The following KLF7 variants were observed in gnomAD, a reference collection of about 807,000 sequenced individuals.
KLF7 encodes the protein Krueppel-like factor 7.
A neutral mutation model predicts 27.3 loss-of-function variants in KLF7; 2 were observed. The ratio of observed to expected loss-of-function variants is 0.07; its 90% CI spans 0.03 to 0.23. The LOEUF (loss-of-function observed/expected upper bound fraction) is 0.23, where lower values mean the gene tolerates loss of function less well. Among genes scored for constraint, KLF7 ranks in the 10% least tolerant of loss-of-function variants. The pLI is 1.00. For synonymous variants in KLF7, 165 were observed against 162.4 expected (o/e 1.02, Z -0.12); for missense variants, 221 against 394.1 (o/e 0.56, Z 3.72).
upstream of KLF7, chr2:207,166,924 C>T: frequency 1.0e-6 from 1 of 982,076 alleles, no homozygotes. Context: ...GCACAGTCCC[C>T]GCCCCGCCCC....
chr2:207,143,246 A>G (rs2077994411), intron 1 of KLF7, among the ~76,000 whole-genome samples: 1 of 152,220 alleles, frequency 6.6e-6, no homozygotes, highest in Non-Finnish European at 1.5e-5. Context: ...TAGCTGAAGC[A>G]AAAAGATCAA....
At chr2:207,116,161 T>A (rs1004377617) in intron 2 of KLF7, among the ~76,000 whole-genome samples, 6 of 152,346 alleles carry the variant, frequency 3.9e-5, no homozygotes, top group Admixed American at 3.9e-4. Flanking sequence ...GAGCTTAGTG[T>A]CATCTGACAC....
intron 1 of KLF7, chr2:207,134,124 C>T (rs987042800): frequency 3.9e-6 from 6 of 1,528,682 alleles, no homozygotes; most frequent in Non-Finnish European, 4.4e-6. Flanking sequence ...TCTCCCAAAT[C>T]ACTTGCACAG....
intron 2 of KLF7, among the ~76,000 whole-genome samples, chr2:207,119,959 G>A (rs758592701): frequency 6.8e-4 from 103 of 152,296 alleles, no homozygotes; most frequent in Non-Finnish European, 1.3e-3. Context: ...CTCCCAAAGT[G>A]CTAGGATTAG....
At chr2:207,100,792 C>T (rs2076748987) in intron 2 of KLF7, among the ~76,000 whole-genome samples, 1 of 152,134 alleles carries the variant, frequency 6.6e-6, no homozygotes. Flanking sequence ...GATCCCTTGC[C>T]CTGCTTCTCC....
intron 1 of KLF7, among the ~76,000 whole-genome samples, chr2:207,147,755 G>A (rs939821373): frequency 2.6e-5 from 4 of 152,124 alleles, no homozygotes; most frequent in South Asian, 2.1e-4. Context: ...ATGAGATGGC[G>A]CCATTGGGAG....
chr2:207,158,493 A>T (rs2078452140), intron 1 of KLF7, among the ~76,000 whole-genome samples: 1 of 152,206 alleles, frequency 6.6e-6, no homozygotes, highest in Non-Finnish European at 1.5e-5. Context: ...CCAGAAACAA[A>T]GCAATTTCAC....
chr2:207,156,044 C>T (rs990145345), intron 1 of KLF7, among the ~76,000 whole-genome samples: 2 of 152,172 alleles, frequency 1.3e-5, no homozygotes, highest in African/African-American at 2.4e-5. Context: ...GGCTAATTGC[C>T]GTTTTCACAG....
intron 1 of KLF7, among the ~76,000 whole-genome samples, chr2:207,129,170 T>C (rs191234039): frequency 1.3e-5 from 2 of 152,226 alleles, no homozygotes; most frequent in Admixed American, 6.5e-5. Flanking sequence ...AACTGTAAAT[T>C]TGGATAGAGA....
At chr2:207,097,260 T>TAA (rs961812845) in intron 2 of KLF7, among the ~76,000 whole-genome samples, 3 of 144,820 alleles carry the variant, frequency 2.1e-5, no homozygotes, top group Admixed American at 2.1e-4. Flanking sequence ...GGGAAGGAAT[T>TAA]AAAAAAAAAA....
intron 2 of KLF7, among the ~76,000 whole-genome samples, chr2:207,117,674 C>T (rs2077225876): frequency 6.6e-6 from 1 of 152,176 alleles, no homozygotes. Flanking sequence ...CCTACAGTTC[C>T]ACACTGAGGT....
At chr2:207,161,178 A>C (rs1482812473) in intron 1 of KLF7, among the ~76,000 whole-genome samples, 1 of 152,214 alleles carries the variant, frequency 6.6e-6, no homozygotes, top group African/African-American at 2.4e-5. Context: ...TAAGTGTGTG[A>C]TTGATTGCAG....
chr2:207,160,713 C>T (rs1033241402), intron 1 of KLF7, among the ~76,000 whole-genome samples: 6 of 152,172 alleles, frequency 3.9e-5, no homozygotes, highest in African/African-American at 1.2e-4. Context: ...AAAAGAATGG[C>T]TATTAAAGGC....
At position 207,078,410 on chromosome 2, in the gene KLF7, A is replaced by G. The variant is rs568786731; in HGVS notation, c.*2803T>C. On this transcript the variant is annotated 3_prime_UTR_variant, in exon 4 of 4. Transcript: ENST00000309446. ...AAGGGCCTTTGTTCTGCCACATTCA[A>G]ATGAGACCACAGATGAAAATAGGGA... The G allele has an allele frequency of 2.0e-5, 3 of 152,360 alleles. No individual in the cohort carries two copies. Among genetic ancestry groups the G allele is most frequent in the South Asian group, 2.1e-4 (1 of 4,824 alleles). The allele number at this position is 152,360 out of a possible 1,614,324, so 9.4% of individuals were successfully genotyped here.
At chr2:207,148,997 T>C in intron 1 of KLF7, 1 of 1,158,410 alleles carries the variant, frequency 8.6e-7, no homozygotes, top group Non-Finnish European at 1.1e-6. Context: ...TCATCTACTG[T>C]CCTTCCTTTT....
chr2:207,127,723 A>G (rs1486446452), intron 1 of KLF7, among the ~76,000 whole-genome samples: 1 of 151,986 alleles, frequency 6.6e-6, no homozygotes, highest in Non-Finnish European at 1.5e-5. Flanking sequence ...CGCACCTGTA[A>G]TCCCAGCTAC....
intron 3 of KLF7, among the ~76,000 whole-genome samples, chr2:207,086,436 A>G (rs960568956): frequency 6.6e-5 from 10 of 152,234 alleles, no homozygotes; most frequent in African/African-American, 2.2e-4. Context: ...TCGAAAATGC[A>G]CTATTGGCCT....
intron 2 of KLF7, among the ~76,000 whole-genome samples, chr2:207,099,958 T>A (rs899954219): frequency 6.6e-6 from 1 of 152,090 alleles, no homozygotes; most frequent in Non-Finnish European, 1.5e-5. Flanking sequence ...GGTAGGTCCC[T>A]GTCTCTACAA....
intron 1 of KLF7, among the ~76,000 whole-genome samples, chr2:207,151,723 T>TAC (rs72289250): frequency 0.19 from 28,913 of 149,828 alleles, 2,823 homozygotes; most frequent in South Asian, 0.25. Context: ...TGAAAAATTT[T>TAC]ACACACACAC....
Sources: gnomAD v4.1 joint callset for allele counts (sites outside exome capture counted in the v4.1 genomes callset) on GRCh38, gnomAD v4.1.1 for gene constraint, MANE v1.5 for transcripts, NCBI Gene and HGNC (gene_info 2026-07-23, HGNC 2026-07-21) for gene names.